Variants in LUZP2 observed in about 807,000 individuals in gnomAD.
LUZP2 encodes leucine zipper protein 2.
LUZP2 carries 52 observed loss-of-function variants against 51.6 expected under a neutral mutation model. The ratio of observed to expected loss-of-function variants is 1.01; its 90% CI spans 0.81 to 1.27. LUZP2 has a LOEUF of 1.27. Among genes scored for constraint, LUZP2 ranks in the 50% most tolerant of loss-of-function variants. The probability of loss-of-function intolerance (pLI) is 0.00; values close to 1 mark genes in which losing one functional copy is unlikely to be tolerated. For synonymous variants in LUZP2, 154 were observed against 137.3 expected (o/e 1.12, Z -0.85); for missense variants, 436 against 395.4 (o/e 1.10, Z -0.87).
At chr11:24,598,266 T>G (rs1853511708) in intron 1 of LUZP2, among the ~76,000 whole-genome samples, 1 of 152,100 alleles carries the variant, frequency 6.6e-6, no homozygotes, top group Non-Finnish European at 1.5e-5. Context: ...GAGAGACAAT[T>G]ACATAAATAA....
At chr11:24,832,929 G>T (rs1850743630) in intron 5 of LUZP2, among the ~76,000 whole-genome samples, 1 of 151,986 alleles carries the variant, frequency 6.6e-6, no homozygotes, top group African/African-American at 2.4e-5. Context: ...ACATAACTTA[G>T]AGGCCAGAGG....
intron 5 of LUZP2, among the ~76,000 whole-genome samples, chr11:24,801,368 C>T (rs1164226243): frequency 1.3e-5 from 2 of 151,948 alleles, no homozygotes; most frequent in Non-Finnish European, 2.9e-5. Context: ...TTCCAGTGGT[C>T]ACATGTTCAC....
intron 9 of LUZP2, among the ~76,000 whole-genome samples, chr11:25,041,097 T>C (rs1202816884): frequency 1.3e-5 from 2 of 152,148 alleles, no homozygotes; most frequent in Non-Finnish European, 2.9e-5. Flanking sequence ...ATTGTTTATA[T>C]TTTGTTCATT....
chr11:24,619,740 T>C (rs1197622951), intron 1 of LUZP2, among the ~76,000 whole-genome samples: 1 of 152,158 alleles, frequency 6.6e-6, no homozygotes, highest in African/African-American at 2.4e-5. Context: ...CTTTAAATCA[T>C]CCCTAGATTA....
chr11:24,708,471 A>G (rs993997412), intron 1 of LUZP2, among the ~76,000 whole-genome samples: 3 of 152,192 alleles, frequency 2.0e-5, no homozygotes, highest in East Asian at 3.9e-4. Context: ...ATTATTGCCA[A>G]TGTTGCCCCG....
chr11:24,497,364 C>G, intron 1 of LUZP2, 59 bp downstream of exon 1: 1 of 1,335,210 alleles, frequency 7.5e-7, no homozygotes, highest in East Asian at 3.0e-5. Flanking sequence ...GAGGTTGGTC[C>G]TACTGTGGGT....
chr11:24,956,490 T>C (rs1185869126), intron 7 of LUZP2, among the ~76,000 whole-genome samples: 2 of 152,120 alleles, frequency 1.3e-5, no homozygotes, highest in Non-Finnish European at 2.9e-5. Context: ...TTGGCAGTAA[T>C]ATAAAGAGTG....
At chr11:24,755,576 C>A (rs1397295054) in intron 4 of LUZP2, among the ~76,000 whole-genome samples, 1 of 152,172 alleles carries the variant, frequency 6.6e-6, no homozygotes, top group African/African-American at 2.4e-5. Context: ...AAATTCTAAG[C>A]CTCCGGATGG....
chr11:25,060,173 A>G (rs1013231795), intron 10 of LUZP2, among the ~76,000 whole-genome samples: 1 of 152,192 alleles, frequency 6.6e-6, no homozygotes, highest in African/African-American at 2.4e-5. Context: ...TAGAGTTGCT[A>G]TAACAAAACA....
At chr11:24,960,069 T>C (rs569308082) in intron 7 of LUZP2, among the ~76,000 whole-genome samples, 106 of 152,324 alleles carry the variant, frequency 7.0e-4, no homozygotes, top group African/African-American at 2.5e-3. Flanking sequence ...TTTGTGTATA[T>C]TGAACCAGCC....
intron 5 of LUZP2, among the ~76,000 whole-genome samples, chr11:24,845,405 G>A (rs1339602191): frequency 6.6e-6 from 1 of 152,114 alleles, no homozygotes; most frequent in East Asian, 1.9e-4. Context: ...GTGTGAAAGG[G>A]AATTGCTTTG....
intron 5 of LUZP2, among the ~76,000 whole-genome samples, chr11:24,803,107 T>C (rs979050208): frequency 6.6e-6 from 1 of 151,846 alleles, no homozygotes; most frequent in Non-Finnish European, 1.5e-5. Context: ...TGGGGGAAAA[T>C]ATTTGCAAAT....
intron 4 of LUZP2, among the ~76,000 whole-genome samples, chr11:24,751,730 A>G (rs1216865897): frequency 2.6e-5 from 4 of 151,916 alleles, no homozygotes; most frequent in Non-Finnish European, 5.9e-5. Flanking sequence ...AAAAAATCAG[A>G]TAAGGGCTAA....
intron 9 of LUZP2, among the ~76,000 whole-genome samples, chr11:25,007,350 C>G (rs1856861404): frequency 6.6e-6 from 1 of 152,166 alleles, no homozygotes; most frequent in Non-Finnish European, 1.5e-5. Context: ...CACCTGTAAT[C>G]CTAGCACTTT....
intron 1 of LUZP2, among the ~76,000 whole-genome samples, chr11:24,644,259 A>T (rs1272515482): frequency 6.6e-6 from 1 of 152,116 alleles, no homozygotes; most frequent in African/African-American, 2.4e-5. Flanking sequence ...TATAATGTCA[A>T]TTGCTGGCAG....
chr11:24,503,448 A>G (rs1271090719), intron 1 of LUZP2, among the ~76,000 whole-genome samples: 1 of 152,222 alleles, frequency 6.6e-6, no homozygotes, highest in Non-Finnish European at 1.5e-5. Flanking sequence ...ACAGAAGGTG[A>G]AGGTCACCCA....
intron 9 of LUZP2, among the ~76,000 whole-genome samples, chr11:25,043,958 T>G (rs796321399): frequency 1.7e-5 from 1 of 58,488 alleles, no homozygotes; most frequent in African/African-American, 6.2e-5. Flanking sequence ...CTGATATATA[T>G]ATAGTCCATA....
At chr11:24,960,098 GC>G (rs1156598124) in intron 7 of LUZP2, among the ~76,000 whole-genome samples, 1 of 152,152 alleles carries the variant, frequency 6.6e-6, no homozygotes, top group Non-Finnish European at 1.5e-5. Flanking sequence ...CAGGGATGAA[GC>G]CCACTTGATC....
At chr11:24,699,580 T>C (rs1296749094) in intron 1 of LUZP2, among the ~76,000 whole-genome samples, 3 of 151,636 alleles carry the variant, frequency 2.0e-5, no homozygotes, top group African/African-American at 7.3e-5. Flanking sequence ...GGGGACATGG[T>C]AAGCCTAAGA....
Sources: allele counts gnomAD v4.1 joint callset (sites outside exome capture counted in the v4.1 genomes callset), GRCh38; gene constraint gnomAD v4.1.1; transcripts MANE v1.5; gene names NCBI Gene and HGNC (gene_info 2026-07-23, HGNC 2026-07-21).